DERA: variants seen among roughly 807,000 people sequenced by gnomAD.
DERA encodes the protein deoxyribose-phosphate aldolase.
DERA carries 15 observed loss-of-function variants against 41.1 expected under a neutral mutation model. The ratio of observed to expected loss-of-function variants is 0.37; its 90% confidence interval spans 0.24 to 0.56. The LOEUF (loss-of-function observed/expected upper bound fraction) is 0.56. Ranked by LOEUF, DERA falls within the 20% of genes least tolerant of loss-of-function variation. The probability of loss-of-function intolerance (pLI) is 0.81; values close to 1 mark genes in which losing one functional copy is unlikely to be tolerated. For synonymous variants in DERA, 139 were observed against 137.4 expected, an observed-to-expected ratio of 1.01 and a Z score of -0.08; for missense variants, 396 against 403.4, an observed-to-expected ratio of 0.98 and a Z score of 0.16.
rs1196981869 is a variant in DERA at position 15,990,989 on chromosome 12, G to A, written c.637+8553G>A. Among the ~76,000 whole-genome samples the A allele has an allele frequency of 6.6e-6, 1 of 152,086 alleles. No homozygotes were observed. The highest frequency in any genetic ancestry group is 2.4e-5 in the African/African-American group (1 of 41,420). Reference sequence around the variant, plus strand: ...TGTATACACAGTAATGGGATTCCTGGGTCGAAAGGTATTTCTGTCTTTAGA... The same window carrying A: ...TGTATACACAGTAATGGGATTCCTGAGTCGAAAGGTATTTCTGTCTTTAGA... On this transcript the variant is annotated intron_variant, in intron 6 of 8. Transcript: ENST00000428559. The surrounding 1 kb of genome is among the most constrained non-coding windows in gnomAD (Gnocchi z 4.3).
chr12:15,920,211 C>A (rs186463253), intron 1 of DERA, among the ~76,000 whole-genome samples: 10 of 152,262 alleles, frequency 6.6e-5, no homozygotes, highest in African/African-American at 2.4e-4. Flanking sequence ...ATAGTGTCCA[C>A]ACTTATAAGG....
Position 15,931,398 on chromosome 12 carries a change from A to G in DERA, c.31+19984A>G, listed in dbSNP as rs1948326865. On this transcript the variant is annotated intron_variant, in intron 1 of 8. Transcript: ENST00000428559. This position sits in a 1 kb window ranked among gnomAD's most constrained non-coding sequence, Gnocchi z 4.6. ...ATAATTGATTAAATCTTTTCAAAGC[A>G]CTGAGAGTTGACTCTTTACCCAACA... is the stretch of plus-strand genomic sequence containing the variant. Among the ~76,000 whole-genome samples, 2 of 152,228 alleles carry G rather than the reference A, an allele frequency of 1.3e-5. No individual in the cohort carries two copies. The highest frequency in any genetic ancestry group is 1.5e-5 in the Non-Finnish European group (1 of 68,050).
chr12:15,977,259 A>G (rs1441248162), intron 5 of DERA, among the ~76,000 whole-genome samples: 2 of 152,092 alleles, frequency 1.3e-5, no homozygotes, highest in East Asian at 3.9e-4. Flanking sequence ...ACTGCAATGT[A>G]TTTCCCTGGG....
chr12:15,957,561 A>C lies in DERA; in HGVS notation c.129+528A>C, dbSNP rs1948549393. On this transcript the variant is annotated intron_variant, in intron 2 of 8. Transcript: ENST00000428559. This position sits in a 1 kb window ranked among gnomAD's most constrained non-coding sequence, Gnocchi z 4.8. ...TATCCCAACCAAAGACGTGCTGTGT[A>C]GGATTAAAGGGAATTCAGAGTTCAT... Among the ~76,000 whole-genome samples, 1 of 152,200 alleles carries C rather than the reference A, an allele frequency of 6.6e-6. No individual in the cohort carries two copies. The highest frequency in any genetic ancestry group is 1.5e-5 in the Non-Finnish European group (1 of 68,044).
rs1050758382 is a variant in DERA at position 15,985,724 on chromosome 12, T to C, written c.637+3288T>C. 3.3e-5 allele frequency among the ~76,000 whole-genome samples: 5 copies of C among 152,208 alleles called. No homozygotes were observed. The highest frequency in any genetic ancestry group is 1.2e-4 in the African/African-American group (5 of 41,466). On this transcript the variant is annotated intron_variant, in intron 6 of 8. Transcript: ENST00000428559. This position sits in a 1 kb window ranked among gnomAD's most constrained non-coding sequence, Gnocchi z 4.2. ...TGCTTTATAATTTAAGATTTTGTTA[T>C]CCTCAGAGAGTATCCATTGTAAGAA...
chr12:15,969,139 A>T (rs192067793), intron 5 of DERA, among the ~76,000 whole-genome samples: 37 of 152,332 alleles, frequency 2.4e-4, no homozygotes, highest in Middle Eastern at 6.8e-3. Flanking sequence ...GACATCTAAG[A>T]TGCACTCCTT....
chr12:15,982,573 T>A lies in DERA; in HGVS notation c.637+137T>A. 1.1e-6 allele frequency: 1 copy of A among 925,380 alleles called. No homozygotes were observed. The highest frequency in any genetic ancestry group is 1.6e-6 in the Non-Finnish European group (1 of 622,510). 57.3% of individuals were successfully genotyped at this position (925,380 alleles called of 1,614,324 possible). On this transcript the variant is annotated intron_variant, in intron 6 of 8. Transcript: ENST00000428559. This position sits in a 1 kb window ranked among gnomAD's most constrained non-coding sequence, Gnocchi z 4.0. ...TTTGCGGGAGGAATCGGATATTTTG[T>A]AAAAACATGTTCAATGTGAAGTGGT...
rs900496184 is a variant in DERA at position 15,995,032 on chromosome 12, T to C, written c.637+12596T>C. Among the ~76,000 whole-genome samples the C allele has an allele frequency of 1.3e-5, 2 of 152,186 alleles. No homozygotes were observed. Among genetic ancestry groups the C allele is most frequent in the Non-Finnish European group, 2.9e-5 (2 of 68,032 alleles). On this transcript the variant is annotated intron_variant, in intron 6 of 8. Transcript: ENST00000428559. The surrounding 1 kb of genome is among the most constrained non-coding windows in gnomAD (Gnocchi z 5.1). ...ACACACTGAGTAAGTGGCAGAATTTTCTGAAGGACTTTTGACTCTAAACTC... is the reference window on the plus strand; with the variant it reads ...ACACACTGAGTAAGTGGCAGAATTTCCTGAAGGACTTTTGACTCTAAACTC...
Position 16,036,500 on chromosome 12 carries a change from C to T in DERA, c.900+119C>T. 1 of 1,245,906 alleles carries T rather than the reference C, an allele frequency of 8.0e-7. No individual in the cohort carries two copies. Among genetic ancestry groups the T allele is most frequent in the South Asian group, 1.6e-5 (1 of 64,350 alleles). 77.2% of individuals were successfully genotyped at this position (1,245,906 alleles called of 1,614,324 possible). ...TCTGATTGACCTCATCCTACCCAAT[C>T]CTCTACCTTTTCTTCCAAGCAAACC... On this transcript the variant is annotated intron_variant, in intron 8 of 8. Coordinates refer to ENST00000428559, the MANE Select transcript of DERA (RefSeq NM_015954.4). This position sits in a 1 kb window ranked among gnomAD's most constrained non-coding sequence, Gnocchi z 4.9.
Position 15,947,615 on chromosome 12 carries a change from A to G in DERA, c.32-9321A>G, listed in dbSNP as rs146830943. 1.1e-3 allele frequency among the ~76,000 whole-genome samples: 165 copies of G among 152,144 alleles called. 2 individuals are homozygous for G. In the East Asian group the frequency reaches 0.029, roughly 27 times the overall value. On this transcript the variant is annotated intron_variant, in intron 1 of 8. Coordinates refer to ENST00000428559, the MANE Select transcript of DERA (RefSeq NM_015954.4). The stretch of plus-strand genomic sequence containing the variant: ...TCCTATGTGTGTCTCTGCATGTGAG[A>G]TGGGTCTCCTGAATACAGCACATTG...
At chr12:16,005,420 T>C (rs562544761) in intron 6 of DERA, among the ~76,000 whole-genome samples, 101 of 152,154 alleles carry the variant, frequency 6.6e-4, no homozygotes, top group Non-Finnish European at 1.2e-3. Flanking sequence ...CACTGGTCTC[T>C]AGCCTGGGTA....
In DERA at chr12:15,983,297, A is replaced by C. The variant is rs1948744509; in HGVS notation, c.637+861A>C. 6.6e-6 allele frequency among the ~76,000 whole-genome samples: 1 copy of C among 152,188 alleles called. No individual in the cohort carries two copies. Among genetic ancestry groups the C allele is most frequent in the East Asian group, 1.9e-4 (1 of 5,168 alleles). ...TACATTCCTTGATTCTTATTTTAAA[A>C]AGGTCCTTCCTAAGACCCTGGCTGT... On this transcript the variant is annotated intron_variant, in intron 6 of 8. Coordinates refer to ENST00000428559, the MANE Select transcript of DERA (RefSeq NM_015954.4). This position sits in a 1 kb window ranked among gnomAD's most constrained non-coding sequence, Gnocchi z 6.2.
Position 16,004,716 on chromosome 12 carries a change from T to G in DERA, c.637+22280T>G, listed in dbSNP as rs950623651. Among the ~76,000 whole-genome samples the G allele has an allele frequency of 2.6e-5, 4 of 152,146 alleles. No individual in the cohort carries two copies. The highest frequency in any genetic ancestry group is 9.7e-5 in the African/African-American group (4 of 41,432). ...AGTGGGGCTTTGGTTCTTTGTTACA[T>G]TCTTTTTTCAAAAACCAAGGTGGAT... is the stretch of plus-strand genomic sequence containing the variant. On this transcript the variant is annotated intron_variant, in intron 6 of 8. Coordinates refer to ENST00000428559, the MANE Select transcript of DERA (RefSeq NM_015954.4). The surrounding 1 kb of genome is among the most constrained non-coding windows in gnomAD (Gnocchi z 4.2).
At position 15,981,580 on chromosome 12, in the gene DERA, A is replaced by T. The variant is rs960054453; in HGVS notation, c.509-728A>T. Among the ~76,000 whole-genome samples the T allele has an allele frequency of 6.6e-6, 1 of 152,202 alleles. No individual in the cohort carries two copies. Among genetic ancestry groups the T allele is most frequent in the African/African-American group, 2.4e-5 (1 of 41,446 alleles). On this transcript the variant is annotated intron_variant, in intron 5 of 8. Coordinates refer to ENST00000428559, the MANE Select transcript of DERA (RefSeq NM_015954.4). The surrounding 1 kb of genome is among the most constrained non-coding windows in gnomAD (Gnocchi z 6.1). ...CTAATTTGCTTACTAAAATCCTGCT[A>T]CCTTTCATGTAAAATGTTACCTTGA...
chr12:15,926,194 GT>G (rs968431892), intron 1 of DERA, among the ~76,000 whole-genome samples: 3 of 148,694 alleles, frequency 2.0e-5, no homozygotes, highest in Admixed American at 1.3e-4. Flanking sequence ...CTGAGGCACT[GT>G]TTTTTTTTTC....
chr12:15,963,053 G>A (rs1948599360), intron 5 of DERA, 106 bp downstream of exon 5: 3 of 1,404,452 alleles, frequency 2.1e-6, no homozygotes, highest in South Asian at 3.1e-5. Flanking sequence ...TAGGTGACAA[G>A]TTAGTAGATC....
At position 16,032,609 on chromosome 12, in the gene DERA, A is replaced by G; in HGVS notation, c.705A>G (p.Val235=). ...TVNATFPVAI[V]MLRAIRDFFW... ...ATGCCACCTTCCCGGTAGCTATAGTAATGCTGCGGGCCATTAGAGATTTCT... is the reference window on the plus strand; with the variant it reads ...ATGCCACCTTCCCGGTAGCTATAGTGATGCTGCGGGCCATTAGAGATTTCT... Residue 235 remains valine (V), a synonymous_variant, in exon 7 of 9, where the codon GTA becomes GTG. Coordinates refer to ENST00000428559, the MANE Select transcript of DERA (RefSeq NM_015954.4). 6.4e-7 allele frequency: 1 copy of G among 1,568,152 alleles called. No homozygotes were observed. Among genetic ancestry groups the G allele is most frequent in the Admixed American group, 1.9e-5 (1 of 53,380 alleles).
intron 1 of DERA, among the ~76,000 whole-genome samples, chr12:15,919,851 A>T (rs763133005): frequency 6.6e-6 from 1 of 152,158 alleles, no homozygotes; most frequent in African/African-American, 2.4e-5. Context: ...GAAGGTGGTT[A>T]ATGATGCTAA....
intron 5 of DERA, among the ~76,000 whole-genome samples, chr12:15,975,116 A>C (rs538724673): frequency 6.6e-5 from 10 of 152,322 alleles, no homozygotes; most frequent in Non-Finnish European, 1.3e-4. Context: ...ACAGTAGAGA[A>C]AGAGTAATTC....
Sources: allele counts gnomAD v4.1 joint callset (sites outside exome capture counted in the v4.1 genomes callset), GRCh38; gene constraint gnomAD v4.1.1; non-coding constraint Gnocchi (gnomAD v3.1); transcripts MANE v1.5; gene names NCBI Gene and HGNC (gene_info 2026-07-23, HGNC 2026-07-21).